The following ZNF420 variants were observed in gnomAD, a reference collection of about 807,000 sequenced individuals.
The protein encoded by ZNF420 is zinc finger protein 420.
A neutral mutation model predicts 44.7 loss-of-function variants in ZNF420; 31 were observed. That is an observed-to-expected ratio of 0.69 (90% confidence interval 0.52 to 0.94). The LOEUF is 0.94. Among genes scored for constraint, ZNF420 ranks in the 40% least tolerant of loss-of-function variants. The pLI is 0.00. For synonymous variants in ZNF420, 245 were observed against 267.4 expected, an observed-to-expected ratio of 0.92 and a Z score of 0.82; for missense variants, 681 against 827.9, an observed-to-expected ratio of 0.82 and a Z score of 2.18.
chr19:37,057,137 A>T (rs2146433960), intron 1 of ZNF420, among the ~76,000 whole-genome samples: 1 of 152,256 alleles, frequency 6.6e-6, no homozygotes, highest in East Asian at 1.9e-4. Context: ...CTCTGGCCTG[A>T]CCTCTCCACG....
chr19:37,062,540 A>T (rs1458361494), intron 1 of ZNF420, among the ~76,000 whole-genome samples: 1 of 152,176 alleles, frequency 6.6e-6, no homozygotes, highest in East Asian at 1.9e-4. Context: ...TTTCCTATGA[A>T]GGCCAGATTC....
At chr19:37,056,339 GC>G (rs1019697454) in intron 1 of ZNF420, among the ~76,000 whole-genome samples, 1 of 152,106 alleles carries the variant, frequency 6.6e-6, no homozygotes, top group African/African-American at 2.4e-5. Context: ...GGTCACCTGT[GC>G]CCCCCTTCCA....
At chr19:37,015,684 A>G in intron 1 of ZNF420, among the ~76,000 whole-genome samples, 1 of 152,216 alleles carries the variant, frequency 6.6e-6, no homozygotes, top group East Asian at 1.9e-4. Flanking sequence ...GATAGATGTC[A>G]AAGAAGCTGG....
At chr19:37,106,527 A>AT (rs770142916) in intron 4 of ZNF420, among the ~76,000 whole-genome samples, 28 of 152,126 alleles carry the variant, frequency 1.8e-4, no homozygotes, top group Non-Finnish European at 2.6e-4. Flanking sequence ...CATTTTGCTA[A>AT]TAATGCCATT....
rs1971422884 is a variant in ZNF420 at position 37,127,552 on chromosome 19, A to G, written c.561A>G (p.Arg187=). ...SRDSQLSLHQ[R]LHTGEKPYAC... ...ATTCACAACTCAGTCTTCATCAGAGACTTCATACTGGTGAGAAACCCTATG... is the reference window on the plus strand; with the variant it reads ...ATTCACAACTCAGTCTTCATCAGAGGCTTCATACTGGTGAGAAACCCTATG... The change falls in exon 5 of 5, where the codon AGA becomes AGG. Residue 187 remains arginine, a synonymous_variant. Coordinates refer to ENST00000337995, the MANE Select transcript of ZNF420 (RefSeq NM_144689.5). 6.2e-7 allele frequency: 1 copy of G among 1,613,960 alleles called. No homozygotes were observed. Among genetic ancestry groups the G allele is most frequent in the South Asian group, 1.1e-5 (1 of 91,074 alleles).
chr19:37,069,805 C>G (rs1490514674), intron 1 of ZNF420, among the ~76,000 whole-genome samples: 1 of 151,956 alleles, frequency 6.6e-6, no homozygotes, highest in East Asian at 1.9e-4. Flanking sequence ...AAAGTTGGAC[C>G]TCGAGGAAAA....
chr19:37,128,044 G>T lies in ZNF420; in HGVS notation c.1053G>T (p.Met351Ile). 6.2e-7 allele frequency: 1 copy of T among 1,611,458 alleles called. No homozygotes were observed. Among genetic ancestry groups the T allele is most frequent in the Non-Finnish European group, 8.5e-7 (1 of 1,179,188 alleles). The change falls in exon 5 of 5, where the codon ATG becomes ATT. Residue 351 changes from methionine (M) to isoleucine (I), a missense_variant. Transcript: ENST00000337995. ...CCTTTATTCGGGGCTCACTACTGAT[G>T]CAACATCAGAGGATTCATACTGGTG... The part of the protein sequence containing the change: ...GRAFIRGSLL[M>I]QHQRIHTGEK...
chr19:37,085,851 C>T (rs1407068653), intron 2 of ZNF420, among the ~76,000 whole-genome samples: 1 of 151,522 alleles, frequency 6.6e-6, no homozygotes, highest in African/African-American at 2.4e-5. Flanking sequence ...CAGCCTTGAA[C>T]TCCTGGACAG....
At chr19:37,073,861 C>T (rs957284440), upstream of ZNF420, among the ~76,000 whole-genome samples, 2 of 151,614 alleles carry the variant, frequency 1.3e-5, no homozygotes, top group Non-Finnish European at 2.9e-5. Context: ...CGGGCACCAG[C>T]GTCAGGGGTT....
intron 1 of ZNF420, among the ~76,000 whole-genome samples, chr19:37,060,812 G>A (rs1311075620): frequency 6.6e-6 from 1 of 152,018 alleles, no homozygotes; most frequent in Non-Finnish European, 1.5e-5. Flanking sequence ...ATTCTTGAGG[G>A]ACATCCTCTC....
upstream of ZNF420, among the ~76,000 whole-genome samples, chr19:37,075,735 C>G (rs1406113562): frequency 1.3e-5 from 2 of 152,000 alleles, no homozygotes; most frequent in East Asian, 1.9e-4. Context: ...GAGTGAGACT[C>G]TGTCTCAAAA....
chr19:37,019,974 T>C (rs1031378710), intron 1 of ZNF420, among the ~76,000 whole-genome samples: 4 of 151,930 alleles, frequency 2.6e-5, no homozygotes, highest in Admixed American at 2.6e-4. Flanking sequence ...TCTCAGCACT[T>C]TGGGAGGCTG....
intron 4 of ZNF420, among the ~76,000 whole-genome samples, chr19:37,120,894 A>G (rs1242765919): frequency 3.9e-5 from 6 of 152,128 alleles, no homozygotes; most frequent in Non-Finnish European, 8.8e-5. Flanking sequence ...AGAGAATAAA[A>G]TATCTAGGAA....
chr19:37,106,704 G>T (rs1970105105), intron 4 of ZNF420: 1 of 152,162 alleles, frequency 6.6e-6, no homozygotes, highest in Admixed American at 6.5e-5. Flanking sequence ...TGGAACGAGA[G>T]ACTGAGAAAA....
intron 1 of ZNF420, among the ~76,000 whole-genome samples, chr19:37,021,352 C>T (rs1473941667): frequency 6.6e-6 from 1 of 152,170 alleles, no homozygotes; most frequent in African/African-American, 2.4e-5. Flanking sequence ...ACCGCAACTT[C>T]TGCCTCCTGG....
At chr19:37,014,641 A>G (rs1250478562) in intron 1 of ZNF420, among the ~76,000 whole-genome samples, 4 of 152,138 alleles carry the variant, frequency 2.6e-5, no homozygotes, top group Non-Finnish European at 4.4e-5. Context: ...CAGCCCTGAC[A>G]TTGCAGCGCG....
At chr19:37,020,579 C>T (rs964878329) in intron 1 of ZNF420, among the ~76,000 whole-genome samples, 1 of 152,308 alleles carries the variant, frequency 6.6e-6, no homozygotes, top group Non-Finnish European at 1.5e-5. Context: ...TTTGTTTCTT[C>T]TTTCTTTAAT....
chr19:37,108,095 A>G (rs1970193649), intron 4 of ZNF420, among the ~76,000 whole-genome samples: 1 of 152,194 alleles, frequency 6.6e-6, no homozygotes, highest in Non-Finnish European at 1.5e-5. Flanking sequence ...ATTTTTGATC[A>G]ATACCAGATT....
intron 1 of ZNF420, among the ~76,000 whole-genome samples, chr19:37,042,093 C>T (rs143840287): frequency 1.3e-5 from 2 of 152,266 alleles, no homozygotes; most frequent in Non-Finnish European, 2.9e-5. Context: ...TCCGCCTCCC[C>T]AGTTCAAGCA....
Sources: gnomAD v4.1 joint callset for allele counts (sites outside exome capture counted in the v4.1 genomes callset) on GRCh38, gnomAD v4.1.1 for gene constraint, MANE v1.5 for transcripts, NCBI Gene and HGNC (gene_info 2026-07-23, HGNC 2026-07-21) for gene names.